HMGCLL1: variants seen among roughly 807,000 people sequenced by gnomAD.
The protein encoded by HMGCLL1 is 3-hydroxymethyl-3-methylglutaryl-CoA lyase, cytoplasmic.
HMGCLL1 carries 36 observed loss-of-function variants against 39.1 expected under a neutral mutation model. The ratio of observed to expected loss-of-function variants is 0.92; its 90% CI spans 0.71 to 1.22. The LOEUF (loss-of-function observed/expected upper bound fraction) is 1.22, where lower values mean the gene tolerates loss of function less well. Ranked by LOEUF, HMGCLL1 falls within the 50% of genes most tolerant of loss-of-function variation. The pLI is 0.00. For synonymous variants in HMGCLL1, 149 were observed against 144.0 expected (o/e 1.03, Z -0.25); for missense variants, 451 against 416.5 (o/e 1.08, Z -0.72).
At chr6:55,536,775 G>A (rs73449085) in intron 3 of HMGCLL1, among the ~76,000 whole-genome samples, 99 of 152,256 alleles carry the variant, frequency 6.5e-4, no homozygotes, top group African/African-American at 2.2e-3. Flanking sequence ...CCCTGCTACT[G>A]TGGAACTTTT....
intron 7 of HMGCLL1, among the ~76,000 whole-genome samples, chr6:55,450,407 T>C (rs182414468): frequency 6.6e-6 from 1 of 152,352 alleles, no homozygotes; most frequent in Admixed American, 6.5e-5. Flanking sequence ...CCATTTTAAC[T>C]GTGTGATTTT....
intron 7 of HMGCLL1, among the ~76,000 whole-genome samples, chr6:55,477,491 T>C (rs1162252356): frequency 1.4e-5 from 1 of 70,234 alleles, no homozygotes; most frequent in Non-Finnish European, 2.7e-5. Context: ...ATATTACATA[T>C]ACATATTACA....
At chr6:55,494,138 G>T (rs913084044) in intron 7 of HMGCLL1, among the ~76,000 whole-genome samples, 1 of 152,106 alleles carries the variant, frequency 6.6e-6, no homozygotes, top group African/African-American at 2.4e-5. Flanking sequence ...TTTGTTACTT[G>T]GGCATTTTCA....
upstream of HMGCLL1, among the ~76,000 whole-genome samples, chr6:55,583,440 G>C (rs1278197992): frequency 1.3e-5 from 2 of 151,656 alleles, no homozygotes; most frequent in African/African-American, 4.9e-5. Context: ...GTGAGAACAT[G>C]CAGTGTTTGG....
At chr6:55,619,177 G>A in the HMGCLL1 span, among the ~76,000 whole-genome samples, 8 of 152,106 alleles carry the variant, frequency 5.3e-5, no homozygotes, top group Admixed American at 5.3e-4. Flanking sequence ...TCAGATGGAT[G>A]AATTTGGAAC....
chr6:55,452,492 T>G lies in HMGCLL1; in HGVS notation c.796-12933A>C, dbSNP rs935943385. On this transcript the variant is annotated intron_variant, in intron 7 of 8. Coordinates refer to ENST00000274901, the MANE Select transcript of HMGCLL1 (RefSeq NM_001042406.2). ...AACATGGCCTGAATTTCTGACAGAT[T>G]TTCAGTCCTTCCTGAGGTCCAGCTT... Among the ~76,000 whole-genome samples the G allele has an allele frequency of 1.3e-5, 2 of 152,158 alleles. 1 individual carries two copies. The highest frequency in any genetic ancestry group is 2.9e-5 in the Non-Finnish European group (2 of 68,006).
At chr6:55,584,145 C>G (rs990642454), upstream of HMGCLL1, among the ~76,000 whole-genome samples, 22 of 152,018 alleles carry the variant, frequency 1.4e-4, no homozygotes, top group African/African-American at 5.3e-4. Flanking sequence ...TGAGAATGTT[C>G]TTGATATCAG....
chr6:55,618,075 G>A, the HMGCLL1 span, among the ~76,000 whole-genome samples: 1 of 151,992 alleles, frequency 6.6e-6, no homozygotes. Context: ...GTGAAATCAT[G>A]ATTTTTAGGA....
chr6:55,603,323 C>T, the HMGCLL1 span, among the ~76,000 whole-genome samples: 2 of 152,004 alleles, frequency 1.3e-5, no homozygotes, highest in African/African-American at 4.8e-5. Context: ...ATATTTGGCA[C>T]TCTTTTGAAC....
chr6:55,566,631 G>A (rs1285012589), intron 1 of HMGCLL1: 2 of 455,940 alleles, frequency 4.4e-6, no homozygotes, highest in Non-Finnish European at 8.8e-6. Flanking sequence ...TCCTTCTCCT[G>A]TAAAATAGAG....
chr6:55,555,265 T>C (rs1026981131), intron 1 of HMGCLL1, among the ~76,000 whole-genome samples: 4 of 152,172 alleles, frequency 2.6e-5, no homozygotes, highest in African/African-American at 9.6e-5. Context: ...TTCCCCTATA[T>C]ATATCTGTGG....
chr6:55,621,913 G>T, the HMGCLL1 span, among the ~76,000 whole-genome samples: 2 of 151,478 alleles, frequency 1.3e-5, no homozygotes, highest in Non-Finnish European at 1.5e-5. Context: ...TTTTTGACAG[G>T]TTTTATCATG....
At chr6:55,513,952 T>C in intron 5 of HMGCLL1, 96 bp downstream of exon 5, 3 of 1,052,942 alleles carry the variant, frequency 2.8e-6, no homozygotes, top group Non-Finnish European at 4.2e-6. Flanking sequence ...ATTCTATGTA[T>C]ATTTTTATAA....
the HMGCLL1 span, among the ~76,000 whole-genome samples, chr6:55,627,330 G>T: frequency 1.3e-5 from 2 of 151,940 alleles, no homozygotes; most frequent in Non-Finnish European, 2.9e-5. Flanking sequence ...CAGCATTTAA[G>T]TATGGTTGAC....
Position 55,500,468 on chromosome 6 carries a change from T to G in HMGCLL1, c.543-1169A>C, listed in dbSNP as rs1025475933. ...TTGGAGTAGAAAAATAAAATACATA[T>G]TCAATGATTCAGTACATAGCTATTG... On this transcript the variant is annotated intron_variant, in intron 5 of 8. Transcript: ENST00000274901. Among the ~76,000 whole-genome samples the G allele has an allele frequency of 3.9e-5, 6 of 151,988 alleles. No homozygotes were observed. In the Admixed American group the frequency reaches 3.9e-4, roughly 10 times the overall value.
chr6:55,607,667 C>T, the HMGCLL1 span, among the ~76,000 whole-genome samples: 7 of 152,194 alleles, frequency 4.6e-5, no homozygotes, highest in African/African-American at 1.7e-4. Flanking sequence ...CTGGGGTCAG[C>T]TGCAACTGTC....
intron 3 of HMGCLL1, among the ~76,000 whole-genome samples, chr6:55,525,905 T>C (rs746885017): frequency 1.3e-5 from 2 of 151,934 alleles, no homozygotes; most frequent in Admixed American, 6.6e-5. Context: ...TTTGCTGTGC[T>C]TTACAATGAG....
chr6:55,465,991 A>G (rs778119369), intron 7 of HMGCLL1, among the ~76,000 whole-genome samples: 1 of 152,118 alleles, frequency 6.6e-6, no homozygotes, highest in Non-Finnish European at 1.5e-5. Context: ...TACTAATAGA[A>G]GTTAACAATT....
chr6:55,518,458 C>G (rs1290333172), intron 3 of HMGCLL1, among the ~76,000 whole-genome samples: 1 of 152,140 alleles, frequency 6.6e-6, no homozygotes, highest in Non-Finnish European at 1.5e-5. Flanking sequence ...CACCACTTTT[C>G]ACAAAGAGGT....
Sources: gnomAD v4.1 joint callset for allele counts (sites outside exome capture counted in the v4.1 genomes callset) on GRCh38, gnomAD v4.1.1 for gene constraint, MANE v1.5 for transcripts, NCBI Gene and HGNC (gene_info 2026-07-23, HGNC 2026-07-21) for gene names.